Variants in RAPGEF2 observed in about 807,000 individuals in gnomAD.
RAPGEF2 encodes the protein PDZ domain containing guanine nucleotide exchange factor (GEF) 1.
RAPGEF2 carries 54 observed loss-of-function variants against 186.7 expected under a neutral mutation model. The ratio of observed to expected loss-of-function variants is 0.29; its 90% CI spans 0.23 to 0.36. The LOEUF (loss-of-function observed/expected upper bound fraction) is 0.36. Ranked by LOEUF, RAPGEF2 falls within the 10% of genes least tolerant of loss-of-function variation. The pLI is 1.00. For synonymous variants in RAPGEF2, 712 were observed against 705.9 expected (o/e 1.01, Z -0.14); for missense variants, 1,532 against 2,045.0 (o/e 0.75, Z 4.84).
At chr4:159,161,292 A>C (rs1253949372) in intron 1 of RAPGEF2, among the ~76,000 whole-genome samples, 1 of 152,254 alleles carries the variant, frequency 6.6e-6, no homozygotes, top group Non-Finnish European at 1.5e-5. Flanking sequence ...AAGAGATGTT[A>C]ACTGTGTTTG....
At chr4:159,322,519 C>G (rs747851661) in intron 10 of RAPGEF2, 36 bp downstream of exon 10, 1 of 1,588,510 alleles carries the variant, frequency 6.3e-7, no homozygotes, top group South Asian at 1.1e-5. Context: ...AAAGTTTCTT[C>G]TTAAAGATAT....
intron 4 of RAPGEF2, among the ~76,000 whole-genome samples, chr4:159,237,907 A>G (rs967212526): frequency 1.4e-5 from 2 of 148,004 alleles, no homozygotes; most frequent in Admixed American, 6.8e-5. Flanking sequence ...AGTCCCAGCT[A>G]CTTGGGAGTC....
At chr4:159,302,613 A>G (rs1248879676) in intron 7 of RAPGEF2, among the ~76,000 whole-genome samples, 3 of 152,186 alleles carry the variant, frequency 2.0e-5, no homozygotes, top group South Asian at 2.1e-4. Context: ...TCATTAATAC[A>G]TATCTGCAAA....
rs574187975 is a variant in RAPGEF2 at position 159,146,952 on chromosome 4, C to CA, written c.70-39689dup. Among the ~76,000 whole-genome samples the CA allele has an allele frequency of 2.0e-5, 3 of 152,282 alleles. No individual in the cohort carries two copies. In the South Asian group the frequency reaches 6.2e-4, roughly 32 times the overall value. ...TCACCATTGACAACATTAACCTATA[C>CA]ATTCTCTTTTGCTCTTATTTTTTGT... On this transcript the variant is annotated intron_variant, in intron 1 of 29. Coordinates refer to ENST00000691494, the MANE Select transcript of RAPGEF2 (RefSeq NM_001394067.2).
At chr4:159,231,352 A>G (rs1752621605) in intron 4 of RAPGEF2, among the ~76,000 whole-genome samples, 1 of 152,102 alleles carries the variant, frequency 6.6e-6, no homozygotes, top group South Asian at 2.1e-4. Context: ...ACTGTATGTT[A>G]ATATATATTA....
intron 1 of RAPGEF2, among the ~76,000 whole-genome samples, chr4:159,157,847 G>A (rs1364464085): frequency 6.6e-6 from 1 of 152,152 alleles, no homozygotes; most frequent in Non-Finnish European, 1.5e-5. Flanking sequence ...AGTTCTTTGA[G>A]TATTTGAAGT....
intron 1 of RAPGEF2, among the ~76,000 whole-genome samples, chr4:159,132,290 A>C (rs1300954628): frequency 2.0e-5 from 3 of 152,254 alleles, no homozygotes. Context: ...TTACTTTGCT[A>C]GATTTTGGAA....
chr4:159,138,322 A>G (rs891499465), intron 1 of RAPGEF2, among the ~76,000 whole-genome samples: 1 of 152,260 alleles, frequency 6.6e-6, no homozygotes, highest in Non-Finnish European at 1.5e-5. Context: ...GATAGAAAGT[A>G]GAAAAGTATA....
At chr4:159,222,039 A>C (rs1400504869) in intron 4 of RAPGEF2, among the ~76,000 whole-genome samples, 1 of 152,234 alleles carries the variant, frequency 6.6e-6, no homozygotes, top group African/African-American at 2.4e-5. Flanking sequence ...TTCGGATATT[A>C]GTCATAATTT....
chr4:159,245,153 A>C (rs1754478662), intron 7 of RAPGEF2, among the ~76,000 whole-genome samples: 1 of 152,060 alleles, frequency 6.6e-6, no homozygotes, highest in African/African-American at 2.4e-5. Context: ...ACTTTTTAAA[A>C]TTAGATGCAT....
chr4:159,167,188 G>A (rs73860458), intron 1 of RAPGEF2, among the ~76,000 whole-genome samples: 5,427 of 152,292 alleles, frequency 0.036, 338 homozygotes, highest in African/African-American at 0.12. Flanking sequence ...AAACTCCTAC[G>A]TGGTTTTCAC....
intron 4 of RAPGEF2, among the ~76,000 whole-genome samples, chr4:159,212,137 C>T (rs1750593109): frequency 6.6e-6 from 1 of 152,144 alleles, no homozygotes; most frequent in Admixed American, 6.5e-5. Context: ...AGTTGTACCT[C>T]CTGGAAATCT....
chr4:159,157,950 C>T (rs1318137953), intron 1 of RAPGEF2, among the ~76,000 whole-genome samples: 2 of 151,970 alleles, frequency 1.3e-5, no homozygotes, highest in East Asian at 1.9e-4. Flanking sequence ...GGGTAGGGAC[C>T]GAGACAGGCA....
intron 6 of RAPGEF2, among the ~76,000 whole-genome samples, chr4:159,241,944 A>G (rs1485687497): frequency 6.6e-6 from 1 of 152,174 alleles, no homozygotes; most frequent in Non-Finnish European, 1.5e-5. Context: ...ATTTGAAATA[A>G]TGCTTTTTAA....
At chr4:159,265,955 A>G (rs976429544) in intron 7 of RAPGEF2, among the ~76,000 whole-genome samples, 2 of 152,240 alleles carry the variant, frequency 1.3e-5, no homozygotes, top group Admixed American at 1.3e-4. Flanking sequence ...ATGGTTCATC[A>G]TGTAAGTATT....
intron 2 of RAPGEF2, among the ~76,000 whole-genome samples, chr4:159,191,609 C>T (rs1748131641): frequency 1.3e-5 from 2 of 151,972 alleles, no homozygotes; most frequent in South Asian, 2.1e-4. Flanking sequence ...CGTGGTGGCG[C>T]GCAACGATAG....
intron 11 of RAPGEF2, 105 bp downstream of exon 11, chr4:159,323,722 T>A (rs1765546593): frequency 1.8e-6 from 1 of 552,116 alleles, no homozygotes; most frequent in Non-Finnish European, 2.5e-6. Context: ...TACAAATAAT[T>A]TTTTTTTTTT....
At chr4:159,297,337 T>G (rs1762146826) in intron 7 of RAPGEF2, among the ~76,000 whole-genome samples, 1 of 152,138 alleles carries the variant, frequency 6.6e-6, no homozygotes, top group African/African-American at 2.4e-5. Flanking sequence ...AGCTTTGTGG[T>G]TTTACCATAC....
intron 1 of RAPGEF2, among the ~76,000 whole-genome samples, chr4:159,125,881 T>G (rs1442928320): frequency 6.6e-6 from 1 of 152,198 alleles, no homozygotes; most frequent in Non-Finnish European, 1.5e-5. Context: ...AATTACTTAG[T>G]TGAGAGCATT....
Sources: gnomAD v4.1 joint callset for allele counts (sites outside exome capture counted in the v4.1 genomes callset) on GRCh38, gnomAD v4.1.1 for gene constraint, MANE v1.5 for transcripts, NCBI Gene and HGNC (gene_info 2026-07-23, HGNC 2026-07-21) for gene names.